Variants in ARHGAP24 observed in about 807,000 individuals in gnomAD.
ARHGAP24 encodes Rho GTPase activating protein 24.
In ARHGAP24, 50 loss-of-function variants were observed where a neutral mutation model predicts 76.4. The ratio of observed to expected loss-of-function variants is 0.65; its 90% confidence interval spans 0.52 to 0.83. The LOEUF (loss-of-function observed/expected upper bound fraction) is 0.83, where lower values mean the gene tolerates loss of function less well. ARHGAP24 is among the 40% of genes least tolerant of loss of function. The pLI, the probability that ARHGAP24 is intolerant of heterozygous loss-of-function variation, is 0.00. For missense variants in ARHGAP24, 930 were observed against 914.2 expected, an observed-to-expected ratio of 1.02 and a Z score of -0.22; for synonymous variants, 345 against 323.3, an observed-to-expected ratio of 1.07 and a Z score of -0.72.
intron 3 of ARHGAP24, among the ~76,000 whole-genome samples, chr4:85,878,777 A>T (rs1733078972): frequency 1.3e-5 from 2 of 152,310 alleles, no homozygotes; most frequent in Non-Finnish European, 2.9e-5. Flanking sequence ...GTCCATTAAG[A>T]GATTAATAGA....
At chr4:85,508,165 A>G (rs985366552) in intron 1 of ARHGAP24, among the ~76,000 whole-genome samples, 1 of 152,168 alleles carries the variant, frequency 6.6e-6, no homozygotes, top group Non-Finnish European at 1.5e-5. Context: ...ATCTCAATTG[A>G]AATATACCTT....
At position 86,001,129 on chromosome 4, in the gene ARHGAP24, C is replaced by A; in HGVS notation, c.*407C>A. 1 of 375,492 alleles carries A rather than the reference C, an allele frequency of 2.7e-6. No individual in the cohort carries two copies. The highest frequency in any genetic ancestry group is 1.5e-4 in the South Asian group (1 of 6,810). The allele number at this position is 375,492 out of a possible 1,614,324, so 23.3% of individuals were successfully genotyped here. A position where few individuals can be genotyped will look rare whatever the true frequency, so the allele number is the denominator to read the frequency against. Reference sequence around the variant, plus strand: ...GTTATCATCGGCTTATTTTATAGATCAATATTTTTATTTCCCTTTTTTGCT... The same window carrying A: ...GTTATCATCGGCTTATTTTATAGATAAATATTTTTATTTCCCTTTTTTGCT... On this transcript the variant is annotated 3_prime_UTR_variant, in exon 10 of 10. Transcript: ENST00000395184.
chr4:85,572,748 C>G (rs1399579383), intron 2 of ARHGAP24, among the ~76,000 whole-genome samples: 1 of 4,084 alleles, frequency 2.4e-4, no homozygotes, highest in African/African-American at 2.7e-4. Context: ...TTTTACAAAC[C>G]AAACAGACCA....
intron 1 of ARHGAP24, among the ~76,000 whole-genome samples, chr4:85,490,062 C>G (rs1204882196): frequency 6.6e-6 from 1 of 152,028 alleles, no homozygotes; most frequent in Non-Finnish European, 1.5e-5. Context: ...AATAATTCAG[C>G]AAGAGTAAAT....
chr4:85,710,971 C>T (rs950076519), intron 2 of ARHGAP24, among the ~76,000 whole-genome samples: 3 of 152,032 alleles, frequency 2.0e-5, no homozygotes, highest in Non-Finnish European at 2.9e-5. Context: ...CGAAGCACTA[C>T]TCACAATAGC....
intron 1 of ARHGAP24, among the ~76,000 whole-genome samples, chr4:85,522,754 ACTC>A (rs1724833168): frequency 6.6e-6 from 1 of 151,834 alleles, no homozygotes. Flanking sequence ...TGGCTGTAAA[ACTC>A]CTGCCTGTTT....
chr4:85,552,936 G>A (rs868476083), intron 1 of ARHGAP24, among the ~76,000 whole-genome samples: 1 of 151,992 alleles, frequency 6.6e-6, no homozygotes, highest in Non-Finnish European at 1.5e-5. Flanking sequence ...TCTTGGTCTC[G>A]CTGGTCTCGC....
intron 8 of ARHGAP24, among the ~76,000 whole-genome samples, chr4:85,981,357 G>C (rs1156557): frequency 0.012 from 1,899 of 152,244 alleles, 32 homozygotes; most frequent in African/African-American, 0.043. Context: ...TCAAAACCTT[G>C]AGCTTGACAG....
chr4:85,889,708 C>T (rs1216772953), intron 3 of ARHGAP24, among the ~76,000 whole-genome samples: 1 of 152,170 alleles, frequency 6.6e-6, no homozygotes, highest in Non-Finnish European at 1.5e-5. Flanking sequence ...AAGTTCCAAA[C>T]ATTAATTCTC....
At chr4:85,573,065 A>T (rs913435319) in intron 2 of ARHGAP24, among the ~76,000 whole-genome samples, 4 of 151,616 alleles carry the variant, frequency 2.6e-5, no homozygotes, top group Admixed American at 1.3e-4. Context: ...TTTAGTAGAG[A>T]CGGGTTTCAC....
chr4:85,749,427 T>C (rs759520322), intron 3 of ARHGAP24, among the ~76,000 whole-genome samples: 13 of 152,220 alleles, frequency 8.5e-5, no homozygotes, highest in Non-Finnish European at 1.5e-4. Flanking sequence ...CCAGTTGATA[T>C]AGGAGTCATA....
intron 3 of ARHGAP24, among the ~76,000 whole-genome samples, chr4:85,812,853 C>T (rs1729071086): frequency 1.3e-5 from 2 of 152,164 alleles, no homozygotes; most frequent in Non-Finnish European, 2.9e-5. Flanking sequence ...ATCATCTGGC[C>T]GTGAAATAAC....
chr4:85,583,823 C>T (rs1407538813), intron 2 of ARHGAP24, among the ~76,000 whole-genome samples: 1 of 150,144 alleles, frequency 6.7e-6, no homozygotes, highest in Non-Finnish European at 1.5e-5. Flanking sequence ...TTTATGCAGC[C>T]AAAAAACACA....
intron 4 of ARHGAP24, among the ~76,000 whole-genome samples, chr4:85,925,621 G>A (rs576374290): frequency 2.0e-5 from 3 of 152,220 alleles, no homozygotes; most frequent in East Asian, 1.9e-4. Flanking sequence ...TATTTTATTA[G>A]AATATTGTTA....
In ARHGAP24 at chr4:85,997,371, TATAGATAGATAGATAGATAG is replaced by T. The variant is rs70948774; in HGVS notation, c.2003+1738_2003+1757del. 5.8e-3 allele frequency among the ~76,000 whole-genome samples: 859 copies of T among 147,630 alleles called. 14 individuals are homozygous for T. Among genetic ancestry groups the T allele is most frequent in the African/African-American group, 0.017 (672 of 38,980 alleles). On this transcript the variant is annotated intron_variant, in intron 9 of 9. Transcript: ENST00000395184. Reference sequence around the variant, plus strand: ...AGATAGATAATAGATAGATGATAGATATAGATAGATAGATAGATAGATAGATAGATAGATAGATAGATAAT... The same window carrying T: ...AGATAGATAATAGATAGATGATAGATATAGATAGATAGATAGATAGATAAT...
chr4:85,676,725 T>C (rs548432843), intron 2 of ARHGAP24, among the ~76,000 whole-genome samples: 1 of 152,308 alleles, frequency 6.6e-6, no homozygotes, highest in East Asian at 1.9e-4. Context: ...GTATAGTGTC[T>C]GAGGGGGCCA....
In ARHGAP24 at chr4:85,590,907, TAA is replaced by T. The variant is rs1483292801; in HGVS notation, c.180+20188_180+20189del. On this transcript the variant is annotated intron_variant, in intron 2 of 9. Coordinates refer to ENST00000395184, the MANE Select transcript of ARHGAP24 (RefSeq NM_001025616.3). ...TTTAAAAATATGTACAGGAAAAAAA[TAA>T]AGAGTAGTCAAATATAAATTAAAAC... Among the ~76,000 whole-genome samples the T allele has an allele frequency of 7.9e-5, 12 of 151,526 alleles. 1 individual carries two copies. The East Asian group carries it at 2.1e-3, about 27-fold the overall frequency.
intron 3 of ARHGAP24, among the ~76,000 whole-genome samples, chr4:85,851,077 G>A (rs1005894900): frequency 5.9e-5 from 9 of 152,098 alleles, no homozygotes; most frequent in Admixed American, 4.6e-4. Context: ...TTATTGTGCG[G>A]GAGTCTAAGT....
chr4:85,569,549 T>C (rs914087034), intron 1 of ARHGAP24, among the ~76,000 whole-genome samples: 1 of 152,206 alleles, frequency 6.6e-6, no homozygotes, highest in Non-Finnish European at 1.5e-5. Flanking sequence ...ATAGGTAGTA[T>C]GGCCGTATAC....
Sources: gnomAD v4.1 joint callset for allele counts (sites outside exome capture counted in the v4.1 genomes callset) on GRCh38, gnomAD v4.1.1 for gene constraint, MANE v1.5 for transcripts, NCBI Gene and HGNC (gene_info 2026-07-23, HGNC 2026-07-21) for gene names.